The following XKR5 variants were observed in gnomAD, a reference collection of about 807,000 sequenced individuals.
XKR5 encodes the protein XK related 5, also known as XK-related protein 5.
In XKR5, 46 loss-of-function variants were observed where a neutral mutation model predicts 40.8. The ratio of observed to expected loss-of-function variants is 1.13; its 90% confidence interval spans 0.89 to 1.44. The LOEUF (loss-of-function observed/expected upper bound fraction) is 1.44, where lower values mean the gene tolerates loss of function less well. XKR5 is among the 40% of genes most tolerant of loss of function. The pLI, the probability that XKR5 is intolerant of heterozygous loss-of-function variation, is 0.00. For missense variants in XKR5, 1,169 were observed against 844.7 expected (o/e 1.38, Z -4.76); for synonymous variants, 466 against 356.1 (o/e 1.31, Z -3.48).
At position 6,812,083 on chromosome 8, in the gene XKR5, C is replaced by A; in HGVS notation, c.1176G>T (p.Gln392His). The change falls in exon 7 of 7, where the codon CAG becomes CAT. Residue 392 changes from glutamine (Q) to histidine (H), a missense_variant. Coordinates refer to ENST00000618742, the MANE Select transcript of XKR5 (RefSeq NM_207411.5). ...QVPPEAGLGT[Q>H]VAVEDSFLSH... ...TGAGGAAAGAGTCCTCCACAGCAAC[C>A]TGGGTCCCCAGCCCAGCCTCTGGGG... 1 of 1,542,778 alleles carries A rather than the reference C, an allele frequency of 6.5e-7. No individual in the cohort carries two copies. Among genetic ancestry groups the A allele is most frequent in the Non-Finnish European group, 8.7e-7 (1 of 1,146,972 alleles).
chr8:6,826,097 C>A (rs146890638), intron 2 of XKR5, among the ~76,000 whole-genome samples: 18 of 151,838 alleles, frequency 1.2e-4, no homozygotes, highest in Non-Finnish European at 2.5e-4. Flanking sequence ...TGTGCATGTG[C>A]GTGTATATGG....
At chr8:6,833,046 C>G in intron 1 of XKR5, 146 bp from the exon 2 acceptor site, 1 of 739,012 alleles carries the variant, frequency 1.4e-6, no homozygotes, top group Non-Finnish European at 2.0e-6. Flanking sequence ...CTGTCCCTCC[C>G]AAGGCTAGCA....
At position 6,812,122 on chromosome 8, in the gene XKR5, G is replaced by T. The variant is rs1373240481; in HGVS notation, c.1137C>A (p.Thr379=). 6.5e-7 allele frequency: 1 copy of T among 1,548,442 alleles called. No individual in the cohort carries two copies. Among genetic ancestry groups the T allele is most frequent in the Admixed American group, 2.0e-5 (1 of 51,004 alleles). Residue 379 remains threonine, a synonymous_variant, in exon 7 of 7, where the codon ACC becomes ACA. Coordinates refer to ENST00000618742, the MANE Select transcript of XKR5 (RefSeq NM_207411.5). ...YEPTILGKPP[T]PEQVPPEAGL... is the part of the protein sequence containing the mutation. The stretch of plus-strand genomic sequence containing the variant: ...CAGCCTCTGGGGGGACCTGCTCAGG[G>T]GTAGGGGGCTTCCCTAAAATGGTTG...
At chr8:6,824,807 G>C (rs1053615571) in intron 3 of XKR5, among the ~76,000 whole-genome samples, 2 of 152,180 alleles carry the variant, frequency 1.3e-5, no homozygotes, top group Admixed American at 6.5e-5. Context: ...ACAGGTGTGA[G>C]ACTTGTGCCC....
chr8:6,823,382 A>C, intron 4 of XKR5, 139 bp downstream of exon 4: 1 of 870,174 alleles, frequency 1.1e-6, no homozygotes, highest in East Asian at 2.7e-5. Flanking sequence ...GAGGCCACCC[A>C]AGCAAGATCC....
At position 6,832,718 on chromosome 8, in the gene XKR5, G is replaced by A. The variant is rs758160435; in HGVS notation, c.241C>T (p.Arg81Trp). 3.7e-5 allele frequency: 59 copies of A among 1,612,742 alleles called. No individual in the cohort carries two copies. Among genetic ancestry groups the A allele is most frequent in the Middle Eastern group, 3.3e-4 (2 of 6,084 alleles). The change falls in exon 2 of 7, where the codon CGG (arginine) becomes TGG (tryptophan). Residue 81 changes from arginine (R) to tryptophan (W), a missense_variant and splice_region_variant. Arg to Trp is a moderately radical substitution (Grantham distance 101). Coordinates refer to ENST00000618742, the MANE Select transcript of XKR5 (RefSeq NM_207411.5). ...LHLLQLGVWK[R>W]HWDAALTSLQ... ...GGTGAAAGAGGCAGCTGTTCTTACC[G>A]CTTCCAAACACCAAGCTGTAGGAGG...
At chr8:6,826,678 T>A (rs1375377855) in intron 2 of XKR5, among the ~76,000 whole-genome samples, 1 of 152,056 alleles carries the variant, frequency 6.6e-6, no homozygotes, top group Non-Finnish European at 1.5e-5. Context: ...TAAGGAGAGA[T>A]CTGGATGACC....
At chr8:6,823,873 C>T in intron 3 of XKR5, 143 bp from the exon 4 acceptor site, 2 of 681,282 alleles carry the variant, frequency 2.9e-6, no homozygotes, top group East Asian at 2.7e-5. Context: ...TACTAACCCA[C>T]CACTTTGACC....
At chr8:6,826,482 T>A (rs189795359) in intron 2 of XKR5, among the ~76,000 whole-genome samples, 1 of 152,080 alleles carries the variant, frequency 6.6e-6, no homozygotes, top group East Asian at 1.9e-4. Flanking sequence ...ATAGTGGAGT[T>A]GGAGATCAGG....
At chr8:6,823,795 A>T in intron 3 of XKR5, 65 bp from the exon 4 acceptor site, 6 of 1,363,268 alleles carry the variant, frequency 4.4e-6, no homozygotes, top group Non-Finnish European at 6.1e-6. Context: ...CCTTGTGAAG[A>T]TTCACTCATG....
At chr8:6,820,288 C>T (rs1388715540) in intron 5 of XKR5, among the ~76,000 whole-genome samples, 2 of 152,030 alleles carry the variant, frequency 1.3e-5, no homozygotes, top group Non-Finnish European at 2.9e-5. Flanking sequence ...GATCTCACTC[C>T]AAATGTAATG....
chr8:6,816,045 C>A (rs1803944600), intron 5 of XKR5, 127 bp from the exon 6 acceptor site: 1 of 661,872 alleles, frequency 1.5e-6, no homozygotes. Context: ...CTCCAGGCTG[C>A]TGAGGAGTAC....
chr8:6,831,512 C>A (rs1804761599), intron 2 of XKR5, among the ~76,000 whole-genome samples: 1 of 152,162 alleles, frequency 6.6e-6, no homozygotes, highest in Non-Finnish European at 1.5e-5. Flanking sequence ...CCATTCCCTG[C>A]TCACAGTGAT....
chr8:6,823,776 G>A (rs770908263), intron 3 of XKR5, 46 bp from the exon 4 acceptor site: 1 of 1,458,736 alleles, frequency 6.9e-7, no homozygotes, highest in Admixed American at 2.0e-5. Flanking sequence ...AGATTCCGAA[G>A]TAACAGTACC....
intron 5 of XKR5, among the ~76,000 whole-genome samples, chr8:6,818,615 C>T (rs1587168659): frequency 6.6e-6 from 1 of 152,220 alleles, no homozygotes; most frequent in African/African-American, 2.4e-5. Flanking sequence ...TTGAGTAGAT[C>T]CTGAGCTAGG....
intron 2 of XKR5, among the ~76,000 whole-genome samples, chr8:6,828,520 T>G (rs1303494447): frequency 6.6e-6 from 1 of 152,010 alleles, no homozygotes; most frequent in Non-Finnish European, 1.5e-5. Flanking sequence ...GAGGGAGAAA[T>G]TCAGGCTGAG....
rs1278727118 is a variant in XKR5 at position 6,811,882 on chromosome 8, G to T, written c.1377C>A (p.Ser459=). The part of the protein sequence containing the change: ...LSAQQELPSS[S]RDPSTLENSS... Reference sequence around the variant, plus strand: ...TGTTCTCTAAGGTTGAGGGGTCACGGGATGAGGATGGGAGCTCTTGCTGGG... The same window carrying T: ...TGTTCTCTAAGGTTGAGGGGTCACGTGATGAGGATGGGAGCTCTTGCTGGG... Residue 459 remains serine, a synonymous_variant, in exon 7 of 7, where the codon TCC becomes TCA. Coordinates refer to ENST00000618742, the MANE Select transcript of XKR5 (RefSeq NM_207411.5). 1 of 1,537,496 alleles carries T rather than the reference G, an allele frequency of 6.5e-7. No individual in the cohort carries two copies. The highest frequency in any genetic ancestry group is 1.4e-5 in the African/African-American group (1 of 73,174).
intron 6 of XKR5, among the ~76,000 whole-genome samples, chr8:6,813,875 A>T (rs979033302): frequency 1.3e-5 from 2 of 152,218 alleles, no homozygotes; most frequent in Non-Finnish European, 2.9e-5. Flanking sequence ...AGGTTTTCGG[A>T]GTGGTGTAGG....
At chr8:6,835,176 C>T (rs1038464620) in intron 1 of XKR5, among the ~76,000 whole-genome samples, 2 of 130,950 alleles carry the variant, frequency 1.5e-5, no homozygotes, top group Non-Finnish European at 3.4e-5. Flanking sequence ...AGTCAAGCAC[C>T]AGTCGGGAGG....
Sources: allele counts gnomAD v4.1 joint callset (sites outside exome capture counted in the v4.1 genomes callset), GRCh38; gene constraint gnomAD v4.1.1; transcripts MANE v1.5; gene names NCBI Gene and HGNC (gene_info 2026-07-23, HGNC 2026-07-21).